Variants in ADAMTSL3 observed in about 807,000 individuals in gnomAD.
ADAMTSL3 encodes ADAMTS like 3.
A neutral mutation model predicts 201.7 loss-of-function variants in ADAMTSL3; 128 were observed. The observed-to-expected ratio is 0.63, with a 90% CI of 0.55 to 0.73. ADAMTSL3 has a LOEUF of 0.73. Ranked by LOEUF, ADAMTSL3 falls within the 30% of genes least tolerant of loss-of-function variation. The pLI is 0.00. For synonymous variants in ADAMTSL3, 738 were observed against 748.4 expected (o/e 0.99, Z 0.23); for missense variants, 1,990 against 2,119.6 (o/e 0.94, Z 1.20).
intron 2 of ADAMTSL3, among the ~76,000 whole-genome samples, chr15:83,701,922 T>C (rs1172892922): frequency 6.6e-6 from 1 of 152,140 alleles, no homozygotes; most frequent in Non-Finnish European, 1.5e-5. Context: ...TGGAACAGTT[T>C]GGAGGGCTCA....
chr15:83,963,501 C>T (rs1344880553), intron 19 of ADAMTSL3, among the ~76,000 whole-genome samples: 2 of 152,178 alleles, frequency 1.3e-5, no homozygotes, highest in Non-Finnish European at 2.9e-5. Context: ...AAGGCAGCAG[C>T]CACAGTCAGG....
chr15:83,771,247 C>T (rs1374658930), intron 3 of ADAMTSL3, among the ~76,000 whole-genome samples: 1 of 148,034 alleles, frequency 6.8e-6, no homozygotes, highest in South Asian at 2.1e-4. Context: ...AGACAATTTT[C>T]CTCTCATTTT....
chr15:83,926,327 C>T (rs916363220), intron 17 of ADAMTSL3, among the ~76,000 whole-genome samples: 2 of 152,078 alleles, frequency 1.3e-5, no homozygotes, highest in African/African-American at 2.4e-5. Flanking sequence ...GCAAGGGCCA[C>T]GGTAAGCACT....
At chr15:83,821,593 A>G (rs1020426587) in intron 6 of ADAMTSL3, among the ~76,000 whole-genome samples, 5 of 151,314 alleles carry the variant, frequency 3.3e-5, no homozygotes, top group African/African-American at 1.2e-4. Context: ...CCAAGGCAGA[A>G]GAATTTTTCT....
At chr15:83,969,317 G>A (rs559389534) in intron 19 of ADAMTSL3, among the ~76,000 whole-genome samples, 5 of 152,216 alleles carry the variant, frequency 3.3e-5, no homozygotes, top group Non-Finnish European at 4.4e-5. Context: ...AGTGGTGGGC[G>A]CCTGAAATCC....
At chr15:83,892,313 C>T (rs1040078912) in intron 12 of ADAMTSL3, among the ~76,000 whole-genome samples, 1 of 151,482 alleles carries the variant, frequency 6.6e-6, no homozygotes, top group Non-Finnish European at 1.5e-5. Flanking sequence ...AGGCGGATCA[C>T]GAGGTCAGGA....
chr15:83,749,296 C>T (rs747694064), intron 3 of ADAMTSL3, among the ~76,000 whole-genome samples: 5 of 152,146 alleles, frequency 3.3e-5, no homozygotes, highest in African/African-American at 4.8e-5. Flanking sequence ...GGATGTGACC[C>T]TCAGAGAGAT....
At chr15:83,725,912 T>C (rs1210322541) in intron 3 of ADAMTSL3, among the ~76,000 whole-genome samples, 1 of 152,146 alleles carries the variant, frequency 6.6e-6, no homozygotes, top group Non-Finnish European at 1.5e-5. Flanking sequence ...TAGTATTATT[T>C]TTTCTCTTTC....
chr15:84,012,062 A>C (rs1443259710), intron 23 of ADAMTSL3, among the ~76,000 whole-genome samples: 2 of 152,340 alleles, frequency 1.3e-5, no homozygotes, highest in East Asian at 3.9e-4. Flanking sequence ...TGTGATTAGC[A>C]TTCCTTCAGC....
intron 17 of ADAMTSL3, among the ~76,000 whole-genome samples, chr15:83,942,253 C>G (rs1339762037): frequency 6.6e-6 from 1 of 152,122 alleles, no homozygotes; most frequent in Non-Finnish European, 1.5e-5. Flanking sequence ...TCTTTTGACA[C>G]CTATATAAAT....
At chr15:83,974,694 A>G (rs897851987) in intron 20 of ADAMTSL3, among the ~76,000 whole-genome samples, 2 of 152,246 alleles carry the variant, frequency 1.3e-5, no homozygotes, top group Non-Finnish European at 2.9e-5. Context: ...GCTGTTAGAA[A>G]TCTACCTATC....
At chr15:83,786,192 G>T (rs1445529280) in intron 4 of ADAMTSL3, among the ~76,000 whole-genome samples, 1 of 152,112 alleles carries the variant, frequency 6.6e-6, no homozygotes, top group Non-Finnish European at 1.5e-5. Context: ...GACCAGGCTG[G>T]TCTCAAATTC....
chr15:84,020,036 G>C (rs1798963092), intron 25 of ADAMTSL3, among the ~76,000 whole-genome samples: 1 of 152,116 alleles, frequency 6.6e-6, no homozygotes, highest in Admixed American at 6.5e-5. Flanking sequence ...AGAGACAAGA[G>C]GGGGATGATG....
At chr15:83,957,418 A>G (rs1178764243) in intron 19 of ADAMTSL3, among the ~76,000 whole-genome samples, 1 of 152,210 alleles carries the variant, frequency 6.6e-6, no homozygotes, top group Non-Finnish European at 1.5e-5. Context: ...TGGCTGCACT[A>G]TGGATAAGGT....
chr15:83,892,653 A>T, intron 12 of ADAMTSL3, 31 bp from the exon 13 acceptor site: 2 of 1,565,772 alleles, frequency 1.3e-6, no homozygotes, highest in Non-Finnish European at 1.7e-6. Flanking sequence ...ACAACAAATA[A>T]ATAATATAAT....
chr15:83,693,042 G>C (rs2061634175), intron 2 of ADAMTSL3, among the ~76,000 whole-genome samples: 1 of 152,056 alleles, frequency 6.6e-6, no homozygotes, highest in Non-Finnish European at 1.5e-5. Context: ...TGCCAAATTG[G>C]GAAGAGCTGG....
At chr15:83,972,631 G>C (rs2142131371) in intron 20 of ADAMTSL3, among the ~76,000 whole-genome samples, 1 of 152,070 alleles carries the variant, frequency 6.6e-6, no homozygotes, top group East Asian at 1.9e-4. Context: ...CAAGTTGTAG[G>C]GAGAAAGAAA....
intron 25 of ADAMTSL3, 103 bp from the exon 26 acceptor site, chr15:84,021,306 TA>T: frequency 2.3e-6 from 3 of 1,328,012 alleles, no homozygotes; most frequent in South Asian, 2.6e-5. Context: ...ATATGCTACT[TA>T]AAGAACCAAA....
intron 3 of ADAMTSL3, among the ~76,000 whole-genome samples, chr15:83,764,928 G>C (rs2062867672): frequency 6.6e-6 from 1 of 152,174 alleles, no homozygotes; most frequent in Non-Finnish European, 1.5e-5. Context: ...CAGCCTAGAG[G>C]AGCAGAATGT....
Sources: gnomAD v4.1 joint callset for allele counts (sites outside exome capture counted in the v4.1 genomes callset) on GRCh38, gnomAD v4.1.1 for gene constraint, MANE v1.5 for transcripts, NCBI Gene and HGNC (gene_info 2026-07-23, HGNC 2026-07-21) for gene names.